EPHA6: variants seen among roughly 807,000 people sequenced by gnomAD.
The protein encoded by EPHA6 is EPH receptor A6, also known as ephrin type-A receptor 6.
EPHA6 carries 50 observed loss-of-function variants against 112.0 expected under a neutral mutation model. That is an observed-to-expected ratio of 0.45 (90% CI 0.36 to 0.56). The LOEUF (loss-of-function observed/expected upper bound fraction) is 0.56. EPHA6 is among the 20% of genes least tolerant of loss of function. The probability of loss-of-function intolerance (pLI) is 0.00; values close to 1 mark genes in which losing one functional copy is unlikely to be tolerated. For missense variants in EPHA6, 1,280 were observed against 1,417.4 expected (o/e 0.90, Z 1.56); for synonymous variants, 529 against 490.7 (o/e 1.08, Z -1.03).
At chr3:97,029,346 G>A (rs2044747803) in intron 3 of EPHA6, among the ~76,000 whole-genome samples, 1 of 151,604 alleles carries the variant, frequency 6.6e-6, no homozygotes, top group East Asian at 1.9e-4. Flanking sequence ...CCCCTGTGAT[G>A]TTTTTAATAA....
chr3:97,519,318 A>G (rs1210707147), intron 10 of EPHA6, among the ~76,000 whole-genome samples: 1 of 152,120 alleles, frequency 6.6e-6, no homozygotes, highest in Non-Finnish European at 1.5e-5. Context: ...ATATGTGTAT[A>G]TATTTCTGCA....
At chr3:97,257,054 A>G (rs896961611) in intron 5 of EPHA6, among the ~76,000 whole-genome samples, 1 of 152,046 alleles carries the variant, frequency 6.6e-6, no homozygotes, top group Non-Finnish European at 1.5e-5. Context: ...GATAAAGAAT[A>G]TATCTCAAAC....
chr3:97,643,757 A>C (rs1290823341), intron 14 of EPHA6, among the ~76,000 whole-genome samples: 3 of 151,704 alleles, frequency 2.0e-5, no homozygotes, highest in Non-Finnish European at 4.4e-5. Context: ...ATATATATGC[A>C]CCCAATACAG....
intron 2 of EPHA6, among the ~76,000 whole-genome samples, chr3:96,964,198 A>G (rs1340312460): frequency 2.0e-5 from 3 of 152,096 alleles, no homozygotes; most frequent in Admixed American, 2.0e-4. Context: ...TTTAAGATGT[A>G]CAATTATTAT....
intron 5 of EPHA6, among the ~76,000 whole-genome samples, chr3:97,268,697 T>A (rs1167348449): frequency 6.6e-6 from 1 of 152,162 alleles, no homozygotes; most frequent in East Asian, 1.9e-4. Context: ...GTGATATGAT[T>A]TACTTATACT....
intron 6 of EPHA6, among the ~76,000 whole-genome samples, chr3:97,421,260 A>G (rs780419242): frequency 6.6e-6 from 1 of 152,112 alleles, no homozygotes. Flanking sequence ...AGATGATATG[A>G]CTCTTTACAT....
At chr3:97,682,862 C>A (rs1476431033) in intron 14 of EPHA6, among the ~76,000 whole-genome samples, 2 of 152,158 alleles carry the variant, frequency 1.3e-5, no homozygotes, top group African/African-American at 4.8e-5. Flanking sequence ...AAAATTCATT[C>A]TCCCGTATTA....
intron 14 of EPHA6, among the ~76,000 whole-genome samples, chr3:97,694,013 T>C (rs1305798313): frequency 2.6e-5 from 4 of 152,148 alleles, no homozygotes; most frequent in Admixed American, 2.6e-4. Flanking sequence ...AACTCCTTTG[T>C]ATCCAGCATA....
chr3:97,207,955 G>T (rs2077758800), intron 3 of EPHA6, among the ~76,000 whole-genome samples: 1 of 152,092 alleles, frequency 6.6e-6, no homozygotes, highest in South Asian at 2.1e-4. Context: ...ATATGGAATG[G>T]CTATATAGGG....
intron 3 of EPHA6, among the ~76,000 whole-genome samples, chr3:97,212,020 T>G (rs527319417): frequency 6.6e-6 from 1 of 152,346 alleles, no homozygotes; most frequent in South Asian, 2.1e-4. Context: ...TTACTGGATG[T>G]ATTCTTTTTG....
intron 16 of EPHA6, among the ~76,000 whole-genome samples, chr3:97,746,482 G>A (rs997151652): frequency 6.6e-6 from 1 of 151,542 alleles, no homozygotes; most frequent in Middle Eastern, 3.2e-3. Context: ...TGTCAGAATG[G>A]CTTAAATACA....
rs140387725 is a variant in EPHA6, at chr3:97,424,598, G to A, written c.1731+19324G>A. 6.3e-3 allele frequency among the ~76,000 whole-genome samples: 963 copies of A among 152,108 alleles called. 2 individuals carry two copies. The highest frequency in any genetic ancestry group is 0.022 in the African/African-American group (903 of 41,488). On this transcript the variant is annotated intron_variant, in intron 6 of 17. Transcript: ENST00000389672. Reference sequence around the variant, plus strand: ...GCGGGCAGATTACCTGAGGTCAGGAGATCAAGACCAGCCTGGCCAACATAG... The same window carrying A: ...GCGGGCAGATTACCTGAGGTCAGGAAATCAAGACCAGCCTGGCCAACATAG...
chr3:97,425,564 C>A (rs1373719782), intron 6 of EPHA6, among the ~76,000 whole-genome samples: 4 of 152,288 alleles, frequency 2.6e-5, no homozygotes, highest in East Asian at 3.9e-4. Flanking sequence ...TGAAAACATT[C>A]TTTTCTCCTA....
At chr3:96,865,209 T>A (rs1279467546) in intron 1 of EPHA6, among the ~76,000 whole-genome samples, 1 of 152,148 alleles carries the variant, frequency 6.6e-6, no homozygotes, top group Non-Finnish European at 1.5e-5. Context: ...AAAGGAATAT[T>A]CTGCAATGAG....
At chr3:96,899,004 G>C (rs1029896740) in intron 2 of EPHA6, among the ~76,000 whole-genome samples, 1 of 151,036 alleles carries the variant, frequency 6.6e-6, no homozygotes, top group Non-Finnish European at 1.5e-5. Flanking sequence ...CTCCAGCCTG[G>C]GCGACAGAGC....
intron 11 of EPHA6, among the ~76,000 whole-genome samples, chr3:97,584,035 G>A (rs1264319246): frequency 1.3e-5 from 2 of 152,008 alleles, no homozygotes; most frequent in Non-Finnish European, 2.9e-5. Context: ...CATATAAAGT[G>A]GAAAGTTCTC....
chr3:97,340,379 T>C (rs1213895808), intron 5 of EPHA6, among the ~76,000 whole-genome samples: 1 of 152,086 alleles, frequency 6.6e-6, no homozygotes, highest in Non-Finnish European at 1.5e-5. Flanking sequence ...GGAGGTTTGG[T>C]TTATATAAGA....
At chr3:97,322,571 G>C (rs1476054110) in intron 5 of EPHA6, among the ~76,000 whole-genome samples, 1 of 151,900 alleles carries the variant, frequency 6.6e-6, no homozygotes, top group African/African-American at 2.4e-5. Context: ...TTAAAGGAAA[G>C]AAAGCATTAC....
chr3:97,076,002 TG>T (rs1269193171), intron 3 of EPHA6, among the ~76,000 whole-genome samples: 5 of 152,056 alleles, frequency 3.3e-5, no homozygotes, highest in Non-Finnish European at 5.9e-5. Context: ...TTCCTGTCCT[TG>T]GGGCTGCCTA....
Sources: gnomAD v4.1 joint callset for allele counts (sites outside exome capture counted in the v4.1 genomes callset) on GRCh38, gnomAD v4.1.1 for gene constraint, MANE v1.5 for transcripts, NCBI Gene and HGNC (gene_info 2026-07-23, HGNC 2026-07-21) for gene names.